The following MFSD12 variants were observed in gnomAD, a reference collection of about 807,000 sequenced individuals.
MFSD12 encodes the protein major facilitator superfamily domain-containing protein 12.
In MFSD12, 67 loss-of-function variants were observed where a neutral mutation model predicts 51.2. The ratio of observed to expected loss-of-function variants is 1.31; its 90% confidence interval spans 1.08 to 1.60. The LOEUF is 1.60. Among genes scored for constraint, MFSD12 ranks in the 40% most tolerant of loss-of-function variants. MFSD12 has a pLI of 0.00. For missense variants in MFSD12, 921 were observed against 673.0 expected, an observed-to-expected ratio of 1.37 and a Z score of -4.08; for synonymous variants, 441 against 316.7, an observed-to-expected ratio of 1.39 and a Z score of -4.17.
chr19:3,543,661 A>G, downstream of MFSD12: 3 of 1,541,018 alleles, frequency 1.9e-6, no homozygotes, highest in East Asian at 7.3e-5. Flanking sequence ...AAGACAGGCC[A>G]ATCCGGGGCA....
At chr19:3,555,258 G>A (rs1318352067) in intron 1 of MFSD12, among the ~76,000 whole-genome samples, 4 of 152,192 alleles carry the variant, frequency 2.6e-5, no homozygotes, top group Middle Eastern at 3.4e-3. Context: ...ACAGGCGTGC[G>A]CCACCACGCT....
chr19:3,542,480 CTTTTTG>C (rs2030497577), downstream of MFSD12: 3 of 984,422 alleles, frequency 3.0e-6, no homozygotes, highest in African/African-American at 5.2e-5. Flanking sequence ...AGTCTCTTGT[CTTTTTG>C]TTTTTGAGAC....
intron 1 of MFSD12, among the ~76,000 whole-genome samples, chr19:3,553,181 G>C (rs377309402): frequency 3.9e-5 from 6 of 152,276 alleles, no homozygotes; most frequent in African/African-American, 1.4e-4. Flanking sequence ...GTGGACTCCA[G>C]TGAGAAGGTC....
exon 5 of MFSD12, chr19:3,538,505 T>C: frequency 2.7e-6 from 1 of 367,714 alleles, no homozygotes; most frequent in South Asian, 2.0e-5. Context: ...GATTGGTCTG[T>C]CCTGGACATT....
At chr19:3,550,429 T>G (rs1001674827) in intron 2 of MFSD12, among the ~76,000 whole-genome samples, 1 of 151,714 alleles carries the variant, frequency 6.6e-6, no homozygotes, top group African/African-American at 2.4e-5. Context: ...TCTCGCTCTG[T>G]CGCCCAGGCT....
rs1216306208 is a variant in MFSD12 at position 3,557,384 on chromosome 19, G to A, written c.20C>T (p.Ala7Val). ...CCGCGGGGACGGCGCCGCTCCGGCC[G>A]CTGGGGGTCCCGGGCCCATCGCGGC... MGPGPP[A>V]AGAAPSPRPL... The change falls in exon 1 of 10, where the codon GCG becomes GTG. Residue 7 changes from alanine to valine, a missense_variant. Physicochemically the swap from Ala to Val is moderately conservative, Grantham distance 64 (BLOSUM62 0). Transcript: ENST00000355415. The A allele has an allele frequency of 9.6e-5, 138 of 1,443,638 alleles. No homozygotes were observed. The highest frequency in any genetic ancestry group is 2.4e-4 in the Middle Eastern group (1 of 4,130). The allele number at this position is 1,443,638 out of a possible 1,614,324, so 89.4% of individuals were successfully genotyped here. A position where few individuals can be genotyped will look rare whatever the true frequency, so the allele number is the denominator to read the frequency against.
At chr19:3,547,591 C>T (rs1381082050) in intron 4 of MFSD12, 44 bp from the exon 5 acceptor site, 1 of 1,532,264 alleles carries the variant, frequency 6.5e-7, no homozygotes, top group Non-Finnish European at 8.9e-7. Flanking sequence ...TCAGGAGGGC[C>T]TTCTCCACTC....
intron 1 of MFSD12, among the ~76,000 whole-genome samples, chr19:3,553,953 G>A (rs1283583826): frequency 1.3e-5 from 2 of 151,624 alleles, no homozygotes; most frequent in South Asian, 2.1e-4. Context: ...ATGGTGGCAC[G>A]AGCCTGTAGT....
Position 3,544,231 on chromosome 19 carries a change from T to G in MFSD12, c.*479A>C. Reference sequence around the variant, plus strand: ...ATCTCTTTATTTGCTGCCAGCAGAGTCCACCAAGCCTGCCGGGCAGCCCTG... The same window carrying G: ...ATCTCTTTATTTGCTGCCAGCAGAGGCCACCAAGCCTGCCGGGCAGCCCTG... On this transcript the variant is annotated 3_prime_UTR_variant, in exon 10 of 10. Transcript: ENST00000355415. The G allele has an allele frequency of 7.7e-7, 1 of 1,304,508 alleles. No homozygotes were observed. The highest frequency in any genetic ancestry group is 3.1e-5 in the East Asian group (1 of 32,142). 80.8% of individuals were successfully genotyped at this position (1,304,508 alleles called of 1,614,324 possible). A position where few individuals can be genotyped will look rare whatever the true frequency, so the allele number is the denominator to read the frequency against.
chr19:3,545,749 T>G (rs2030958280), intron 8 of MFSD12, among the ~76,000 whole-genome samples: 1 of 152,244 alleles, frequency 6.6e-6, no homozygotes, highest in South Asian at 2.1e-4. Context: ...TGTGATGCTG[T>G]GGTCTAGAAC....
downstream of MFSD12, chr19:3,543,217 C>G (rs1284081066): frequency 3.2e-6 from 5 of 1,538,604 alleles, no homozygotes; most frequent in Admixed American, 5.9e-5. Flanking sequence ...TCAGTCTCTG[C>G]CCCCTGCCCA....
At chr19:3,555,132 T>C (rs1261040638) in intron 1 of MFSD12, among the ~76,000 whole-genome samples, 1 of 152,216 alleles carries the variant, frequency 6.6e-6, no homozygotes, top group Non-Finnish European at 1.5e-5. Flanking sequence ...TTTTTTGTTT[T>C]TTTAGACAGA....
Position 3,548,194 on chromosome 19 carries a change from A to T in MFSD12, c.583T>A (p.Ser195Thr). The T allele has an allele frequency of 6.4e-7, 1 of 1,574,266 alleles. No homozygotes were observed. Among genetic ancestry groups the T allele is most frequent in the Non-Finnish European group, 8.6e-7 (1 of 1,161,442 alleles). ...ATGTCTTGGGTGGGCTCCACCCGCG[A>T]CGAGCCCTGCAGGTGCAGCAGGAGC... Reference protein sequence around the residue: ...AWLLLHLQGSSRVEPTQDISI... With the variant: ...AWLLLHLQGSTRVEPTQDISI... The change falls in exon 3 of 10, where the codon TCG becomes ACG. Residue 195 changes from serine to threonine, a missense_variant. Physicochemically the swap from Ser to Thr is moderately conservative, Grantham distance 58. Transcript: ENST00000355415.
intron 8 of MFSD12, among the ~76,000 whole-genome samples, chr19:3,545,307 T>C (rs1002211509): frequency 3.3e-5 from 5 of 152,192 alleles, no homozygotes; most frequent in African/African-American, 1.2e-4. Flanking sequence ...GTCCCTCTTC[T>C]GCCCACAGCT....
intron 6 of MFSD12, among the ~76,000 whole-genome samples, chr19:3,546,816 T>C (rs1041297459): frequency 2.0e-5 from 3 of 152,058 alleles, no homozygotes; most frequent in African/African-American, 7.2e-5. Context: ...GATCCTAGAA[T>C]TCCTTGTTCC....
At chr19:3,556,429 CAG>C (rs747826708) in intron 1 of MFSD12, among the ~76,000 whole-genome samples, 12 of 152,204 alleles carry the variant, frequency 7.9e-5, no homozygotes, top group Non-Finnish European at 1.2e-4. Context: ...CTGAGGCAGA[CAG>C]GGGAGGCTGG....
At chr19:3,547,133 C>G (rs1019700885) in intron 6 of MFSD12, 139 bp downstream of exon 6, 1 of 755,642 alleles carries the variant, frequency 1.3e-6, no homozygotes, top group African/African-American at 1.7e-5. Context: ...CCACCGTGCC[C>G]GGCCTAGATC....
chr19:3,541,743 A>G (rs2030434841), downstream of MFSD12: 1 of 985,224 alleles, frequency 1.0e-6, no homozygotes, highest in Admixed American at 6.1e-5. Flanking sequence ...GAAAGTAGTG[A>G]GTGGCAGGTG....
chr19:3,543,385 C>A (rs1269557500), downstream of MFSD12: 3 of 1,549,220 alleles, frequency 1.9e-6, no homozygotes, highest in Non-Finnish European at 2.6e-6. Flanking sequence ...CCTGGTACAA[C>A]CTGCCACGGG....
Sources: allele counts gnomAD v4.1 joint callset (sites outside exome capture counted in the v4.1 genomes callset), GRCh38; gene constraint gnomAD v4.1.1; transcripts MANE v1.5; gene names NCBI Gene and HGNC (gene_info 2026-07-23, HGNC 2026-07-21).